XKR6: variants seen among roughly 807,000 people sequenced by gnomAD.
The protein encoded by XKR6 is XK-related protein 6.
In XKR6, 22 loss-of-function variants were observed where a neutral mutation model predicts 56.7. The observed-to-expected ratio is 0.39, with a 90% confidence interval of 0.28 to 0.55. The LOEUF is 0.55. Ranked by LOEUF, XKR6 falls within the 20% of genes least tolerant of loss-of-function variation. The pLI, the probability that XKR6 is intolerant of heterozygous loss-of-function variation, is 0.66. For synonymous variants in XKR6, 524 were observed against 387.8 expected, an observed-to-expected ratio of 1.35 and a Z score of -4.13; for missense variants, 852 against 889.0, an observed-to-expected ratio of 0.96 and a Z score of 0.53.
At chr8:10,999,077 G>A (rs745679496) in intron 1 of XKR6, among the ~76,000 whole-genome samples, 3 of 152,142 alleles carry the variant, frequency 2.0e-5, no homozygotes, top group Non-Finnish European at 2.9e-5. Context: ...TTACAAAAAC[G>A]TTTGTTTTCT....
intron 1 of XKR6, among the ~76,000 whole-genome samples, chr8:10,978,544 G>T (rs1193624999): frequency 6.6e-6 from 1 of 152,134 alleles, no homozygotes; most frequent in African/African-American, 2.4e-5. Context: ...TTTTATTAGG[G>T]TCTCGTGCAT....
intron 1 of XKR6, among the ~76,000 whole-genome samples, chr8:11,016,663 C>A (rs1216876220): frequency 6.6e-6 from 1 of 152,058 alleles, no homozygotes; most frequent in Non-Finnish European, 1.5e-5. Context: ...CCACGGATGA[C>A]GACGCCCCAG....
intron 1 of XKR6, among the ~76,000 whole-genome samples, chr8:10,975,484 T>G (rs887365658): frequency 1.3e-5 from 2 of 152,234 alleles, no homozygotes; most frequent in Non-Finnish European, 2.9e-5. Context: ...GCTTGCCCAC[T>G]GCGAGAGTTT....
chr8:11,114,727 ATGTGTGTGTGTGTGTGTGTGTGTG>A (rs58011023), intron 1 of XKR6, among the ~76,000 whole-genome samples: 8 of 118,492 alleles, frequency 6.8e-5, no homozygotes, highest in Admixed American at 6.3e-4. Context: ...TAGATCACAT[ATGTGTGTGTGTGTGTGTGTGTGTG>A]TGTGTGTGTG....
chr8:11,142,001 T>C lies in XKR6; in HGVS notation c.764+58575A>G, dbSNP rs1172180530. On this transcript the variant is annotated intron_variant, in intron 1 of 2. Transcript: ENST00000416569. The stretch of plus-strand genomic sequence containing the variant: ...TGGACACATAAGATTTGTCCATTTT[T>C]TTCTGTTTATATACTACATTCCAAA... 2.6e-5 allele frequency among the ~76,000 whole-genome samples: 4 copies of C among 151,632 alleles called. No individual in the cohort carries two copies. In the South Asian group the frequency reaches 8.4e-4, roughly 32 times the overall value.
rs531788558 is a variant in XKR6, at chr8:10,975,523, G to A, written c.765-50693C>T. On this transcript the variant is annotated intron_variant, in intron 1 of 2. Transcript: ENST00000416569. ...TGCCCTCGCCCACCACCTGCCCTGG[G>A]CACACGGCTGAAAGAAGGAAAATTA... Among the ~76,000 whole-genome samples the A allele has an allele frequency of 3.3e-5, 5 of 152,202 alleles. No individual in the cohort carries two copies. The South Asian group carries it at 1.0e-3, about 32-fold the overall frequency.
intron 1 of XKR6, among the ~76,000 whole-genome samples, chr8:10,998,337 C>A (rs1181232275): frequency 6.6e-6 from 1 of 152,126 alleles, no homozygotes. Context: ...TGTTTTAACA[C>A]CAGCTGTCAC....
chr8:11,178,676 A>AATATATATATATATAT, intron 1 of XKR6, among the ~76,000 whole-genome samples: 1 of 132,930 alleles, frequency 7.5e-6, no homozygotes, highest in Middle Eastern at 3.7e-3. Flanking sequence ...CACAGAGATA[A>AATATATATATATATAT]ATATATATAT....
intron 1 of XKR6, among the ~76,000 whole-genome samples, chr8:10,951,082 A>C (rs1197214218): frequency 6.6e-6 from 1 of 152,076 alleles, no homozygotes; most frequent in Non-Finnish European, 1.5e-5. Context: ...TCACCCATCC[A>C]TCCACGACCC....
intron 1 of XKR6, among the ~76,000 whole-genome samples, chr8:11,112,197 T>G (rs867370929): frequency 1.3e-5 from 2 of 152,242 alleles, no homozygotes; most frequent in South Asian, 4.1e-4. Flanking sequence ...GTCTTTATTT[T>G]CTTTTAAAAG....
intron 1 of XKR6, among the ~76,000 whole-genome samples, chr8:11,164,393 C>G (rs542313231): frequency 1.6e-3 from 244 of 152,350 alleles, no homozygotes; most frequent in African/African-American, 5.6e-3. Context: ...TGTCATTAGC[C>G]CTTTCTCCTC....
At chr8:11,197,737 A>G (rs1248993795) in intron 1 of XKR6, among the ~76,000 whole-genome samples, 6 of 152,324 alleles carry the variant, frequency 3.9e-5, no homozygotes, top group African/African-American at 1.4e-4. Context: ...AGCCCAGCCA[A>G]AATATTTTCT....
In XKR6 at chr8:10,985,277, G is replaced by C. The variant is rs976889412; in HGVS notation, c.765-60447C>G. ...TTTCCTGTGTGGTTCTCATGATTGA[G>C]AATAAGTATCATGAGATCTGATGGT... On this transcript the variant is annotated intron_variant, in intron 1 of 2. Coordinates refer to ENST00000416569, the MANE Select transcript of XKR6 (RefSeq NM_173683.4). Among the ~76,000 whole-genome samples, 16 of 152,090 alleles carry C rather than the reference G, an allele frequency of 1.1e-4. 1 individual carries two copies. The highest frequency in any genetic ancestry group is 9.2e-4 in the Admixed American group (14 of 15,280).
At chr8:11,079,604 T>C (rs545703638) in intron 1 of XKR6, among the ~76,000 whole-genome samples, 2 of 152,310 alleles carry the variant, frequency 1.3e-5, no homozygotes, top group East Asian at 1.9e-4. Context: ...AGAAAGAATA[T>C]TGGTTTCACT....
At chr8:10,940,696 C>T (rs1240032164) in intron 1 of XKR6, among the ~76,000 whole-genome samples, 2 of 152,206 alleles carry the variant, frequency 1.3e-5, no homozygotes, top group Admixed American at 1.3e-4. Flanking sequence ...CCAGGAGCTG[C>T]CTTGGCCAGC....
intron 1 of XKR6, among the ~76,000 whole-genome samples, chr8:11,003,796 C>G (rs911854379): frequency 3.3e-5 from 5 of 152,196 alleles, no homozygotes; most frequent in Non-Finnish European, 5.9e-5. Context: ...AATGCTCTAA[C>G]AGGCATATGT....
intron 1 of XKR6, among the ~76,000 whole-genome samples, chr8:10,956,823 T>G (rs754118580): frequency 6.6e-6 from 1 of 152,198 alleles, no homozygotes; most frequent in Admixed American, 6.5e-5. Context: ...TGTCTTCAGC[T>G]TCTCAGATAC....
chr8:11,102,344 C>G (rs1798515839), intron 1 of XKR6, among the ~76,000 whole-genome samples: 1 of 152,098 alleles, frequency 6.6e-6, no homozygotes, highest in Admixed American at 6.6e-5. Context: ...TTTTGCTTCC[C>G]AAGAGCCCAG....
rs898354814 is a variant in XKR6 at position 11,134,744 on chromosome 8, A to G, written c.764+65832T>C. On this transcript the variant is annotated intron_variant, in intron 1 of 2. Transcript: ENST00000416569. The stretch of plus-strand genomic sequence containing the variant: ...CCCAAAAGAAATTAACCTACCAGCG[A>G]AATAATCATGGACAATACTATATTC... Among the ~76,000 whole-genome samples, 180 of 152,224 alleles carry G rather than the reference A, an allele frequency of 1.2e-3. 1 individual carries two copies. Among genetic ancestry groups the G allele is most frequent in the African/African-American group, 3.9e-3 (162 of 41,484 alleles).
Sources: gnomAD v4.1 joint callset for allele counts (sites outside exome capture counted in the v4.1 genomes callset) on GRCh38, gnomAD v4.1.1 for gene constraint, MANE v1.5 for transcripts, NCBI Gene and HGNC (gene_info 2026-07-23, HGNC 2026-07-21) for gene names.